The following ADAMTS12 variants were observed in gnomAD, a reference collection of about 807,000 sequenced individuals.
ADAMTS12 encodes A disintegrin and metalloproteinase with thrombospondin motifs 12.
In ADAMTS12, 118 loss-of-function variants were observed where a neutral mutation model predicts 167.8. The ratio of observed to expected loss-of-function variants is 0.70; its 90% CI spans 0.61 to 0.82. The LOEUF is 0.82. ADAMTS12 is among the 40% of genes least tolerant of loss of function. The pLI, the probability that ADAMTS12 is intolerant of heterozygous loss-of-function variation, is 0.00. For synonymous variants in ADAMTS12, 704 were observed against 716.9 expected (o/e 0.98, Z 0.29); for missense variants, 1,916 against 1,998.8 (o/e 0.96, Z 0.79).
At chr5:33,636,725 T>C (rs1740214150) in intron 12 of ADAMTS12, among the ~76,000 whole-genome samples, 1 of 152,198 alleles carries the variant, frequency 6.6e-6, no homozygotes, top group South Asian at 2.1e-4. Context: ...TTTTACTACC[T>C]TGCCTTAAAT....
At chr5:33,768,098 G>T (rs767244805) in intron 2 of ADAMTS12, among the ~76,000 whole-genome samples, 1 of 152,190 alleles carries the variant, frequency 6.6e-6, no homozygotes, top group Non-Finnish European at 1.5e-5. Flanking sequence ...TCAGGCCGAA[G>T]TTAGTTGATA....
chr5:33,823,460 C>T (rs1218178136), intron 2 of ADAMTS12, among the ~76,000 whole-genome samples: 2 of 152,146 alleles, frequency 1.3e-5, no homozygotes, highest in African/African-American at 4.8e-5. Flanking sequence ...CATCCTTCAA[C>T]CACTAGCAAA....
chr5:33,772,888 A>G (rs559070309), intron 2 of ADAMTS12, among the ~76,000 whole-genome samples: 19 of 152,358 alleles, frequency 1.2e-4, no homozygotes, highest in African/African-American at 4.1e-4. Flanking sequence ...GGGCAGTGAG[A>G]AGAAACAGAT....
intron 16 of ADAMTS12, among the ~76,000 whole-genome samples, chr5:33,606,592 A>G (rs372863336): frequency 1.3e-5 from 2 of 152,210 alleles, no homozygotes; most frequent in Admixed American, 6.5e-5. Flanking sequence ...CTATGTGAGG[A>G]CAGAAGAATG....
At chr5:33,705,430 G>C (rs963833233) in intron 3 of ADAMTS12, among the ~76,000 whole-genome samples, 4 of 151,984 alleles carry the variant, frequency 2.6e-5, no homozygotes, top group Admixed American at 6.6e-5. Context: ...GGATGTTAGT[G>C]CTTCATCAGA....
chr5:33,615,307 C>T (rs974024568), intron 15 of ADAMTS12, among the ~76,000 whole-genome samples: 1 of 152,232 alleles, frequency 6.6e-6, no homozygotes, highest in African/African-American at 2.4e-5. Flanking sequence ...GGCCATCTCT[C>T]ATCCTCAATC....
chr5:33,774,854 C>A (rs1236260525), intron 2 of ADAMTS12, among the ~76,000 whole-genome samples: 3 of 152,132 alleles, frequency 2.0e-5, no homozygotes, highest in African/African-American at 4.8e-5. Context: ...ATTAAACTTT[C>A]CCAAGTTTCC....
intron 2 of ADAMTS12, among the ~76,000 whole-genome samples, chr5:33,763,792 C>T (rs917081678): frequency 6.6e-6 from 1 of 152,204 alleles, no homozygotes; most frequent in Non-Finnish European, 1.5e-5. Context: ...CACTCTATTT[C>T]ATTTATTTTA....
chr5:33,585,038 T>TATCC (rs34073710), intron 18 of ADAMTS12, among the ~76,000 whole-genome samples: 1,566 of 150,522 alleles, frequency 0.01, 20 homozygotes, highest in East Asian at 0.021. Context: ...GTTATCCATG[T>TATCC]ATCCATCCAT....
intron 2 of ADAMTS12, among the ~76,000 whole-genome samples, chr5:33,874,854 G>A (rs1005760042): frequency 1.2e-4 from 19 of 152,146 alleles, no homozygotes; most frequent in African/African-American, 4.3e-4. Context: ...CAGATTATGA[G>A]GTCAGGAGAT....
intron 1 of ADAMTS12, among the ~76,000 whole-genome samples, chr5:33,891,217 T>C (rs1026753629): frequency 3.3e-5 from 5 of 152,112 alleles, no homozygotes; most frequent in Admixed American, 6.6e-5. Flanking sequence ...GGACTATTCT[T>C]TCAAAAATAC....
chr5:33,532,106 G>T (rs776482578), intron 23 of ADAMTS12, among the ~76,000 whole-genome samples: 3 of 152,156 alleles, frequency 2.0e-5, no homozygotes, highest in Non-Finnish European at 2.9e-5. Context: ...ATCCCAATTT[G>T]CCTCTGCTGG....
At chr5:33,861,434 G>A (rs1182090695) in intron 2 of ADAMTS12, among the ~76,000 whole-genome samples, 1 of 152,038 alleles carries the variant, frequency 6.6e-6, no homozygotes, top group Non-Finnish European at 1.5e-5. Flanking sequence ...ACAAAGAAGG[G>A]CATTACATAA....
At chr5:33,682,527 T>A (rs550749862) in intron 5 of ADAMTS12, among the ~76,000 whole-genome samples, 1 of 151,726 alleles carries the variant, frequency 6.6e-6, no homozygotes, top group East Asian at 1.9e-4. Flanking sequence ...AAGACTTACA[T>A]ATTAAGTCTT....
At chr5:33,684,786 A>G (rs1742264537) in intron 3 of ADAMTS12, among the ~76,000 whole-genome samples, 1 of 152,234 alleles carries the variant, frequency 6.6e-6, no homozygotes, top group Non-Finnish European at 1.5e-5. Flanking sequence ...GGTTTGGAAG[A>G]CGAAATCTAG....
chr5:33,553,843 C>T (rs1476578586), intron 20 of ADAMTS12, among the ~76,000 whole-genome samples: 4 of 152,168 alleles, frequency 2.6e-5, no homozygotes, highest in Non-Finnish European at 5.9e-5. Flanking sequence ...AGCAAACCTG[C>T]ACTTGTACCC....
At chr5:33,890,984 C>T (rs1406184707) in intron 1 of ADAMTS12, among the ~76,000 whole-genome samples, 1 of 152,074 alleles carries the variant, frequency 6.6e-6, no homozygotes, top group Non-Finnish European at 1.5e-5. Flanking sequence ...ACAATGAACC[C>T]CCCACCAAAC....
intron 2 of ADAMTS12, among the ~76,000 whole-genome samples, chr5:33,755,264 C>T (rs1745128553): frequency 6.6e-6 from 1 of 152,178 alleles, no homozygotes; most frequent in Admixed American, 6.5e-5. Flanking sequence ...GGGCGAATTT[C>T]CCCTGGCTTA....
intron 3 of ADAMTS12, among the ~76,000 whole-genome samples, chr5:33,689,461 G>C (rs1579840493): frequency 6.6e-6 from 1 of 151,966 alleles, no homozygotes; most frequent in Non-Finnish European, 1.5e-5. Context: ...AACCAGCTGA[G>C]TCCTAGTCCT....
Sources: gnomAD v4.1 joint callset for allele counts (sites outside exome capture counted in the v4.1 genomes callset) on GRCh38, gnomAD v4.1.1 for gene constraint, MANE v1.5 for transcripts, NCBI Gene and HGNC (gene_info 2026-07-23, HGNC 2026-07-21) for gene names.